Variants in UBN2 observed in about 807,000 individuals in gnomAD.
The protein encoded by UBN2 is ubinuclein 2.
Under a neutral mutation model 120.2 loss-of-function variants are expected in UBN2, and 35 were observed. That is an observed-to-expected ratio of 0.29 (90% confidence interval 0.22 to 0.39). UBN2 has a LOEUF of 0.39. Ranked by LOEUF, UBN2 falls within the 10% of genes least tolerant of loss-of-function variation. The pLI is 1.00. For synonymous variants in UBN2, 661 were observed against 648.7 expected (o/e 1.02, Z -0.29); for missense variants, 1,693 against 1,663.2 (o/e 1.02, Z -0.31).
In UBN2 at chr7:139,283,270, A is replaced by G. The variant is rs747524975; in HGVS notation, c.2365A>G (p.Arg789Gly). 90 of 1,613,640 alleles carry G rather than the reference A, an allele frequency of 5.6e-5. 1 individual carries two copies. The Admixed American group carries it at 1.5e-3, about 26-fold the overall frequency. ...NGNKGPPVGS[R>G]ISMPTTKPRP... ...GAACAAGGGCCCTCCAGTTGGCTCA[A>G]GGATAAGCATGCCAACCACAAAGCC... Residue 789 changes from arginine to glycine, a missense_variant, in exon 15 of 18, where the codon AGG becomes GGG. Physicochemically the swap from Arg to Gly is moderately radical, Grantham distance 125. This residue lies in a region of UBN2 where 837 missense variants were observed against 817.6 expected (regional missense o/e 1.02). Transcript: ENST00000473989.
the UBN2 span, among the ~76,000 whole-genome samples, chr7:139,321,614 C>G: frequency 6.6e-6 from 1 of 152,174 alleles, no homozygotes; most frequent in Non-Finnish European, 1.5e-5. Flanking sequence ...GGAGCCTAAG[C>G]GGCTGGGCAG....
intron 13 of UBN2, among the ~76,000 whole-genome samples, chr7:139,281,435 T>C (rs1005685817): frequency 4.6e-5 from 7 of 152,172 alleles, no homozygotes; most frequent in Non-Finnish European, 8.8e-5. Context: ...ATAAAAGCTC[T>C]TAGCTTTCTA....
chr7:139,278,247 T>C (rs1170671334), intron 12 of UBN2, among the ~76,000 whole-genome samples: 1 of 150,110 alleles, frequency 6.7e-6, no homozygotes, highest in African/African-American at 2.5e-5. Flanking sequence ...AGTGGCACGA[T>C]CTCAACTCGC....
chr7:139,289,592 A>G (rs1182055718), intron 15 of UBN2, among the ~76,000 whole-genome samples: 1 of 151,682 alleles, frequency 6.6e-6, no homozygotes, highest in Non-Finnish European at 1.5e-5. Context: ...TTGTATTTTT[A>G]GTAGAGACGG....
downstream of UBN2, among the ~76,000 whole-genome samples, chr7:139,309,522 A>G (rs1798420114): frequency 6.6e-6 from 1 of 152,250 alleles, no homozygotes; most frequent in South Asian, 2.1e-4. Context: ...TTGTATGTTA[A>G]CATATAAAGG....
At chr7:139,278,617 T>TA (rs112787541) in intron 12 of UBN2, among the ~76,000 whole-genome samples, 204 of 145,706 alleles carry the variant, frequency 1.4e-3, no homozygotes, top group Non-Finnish European at 2.2e-3. Context: ...ATGGCCTTCA[T>TA]AAAAAAAAAA....
rs755032839 is a variant in UBN2 at position 139,261,203 on chromosome 7, T to A, written c.906-49T>A. The A allele has an allele frequency of 2.6e-6, 4 of 1,529,424 alleles. No individual in the cohort carries two copies. The African/African-American group carries it at 5.6e-5, about 21-fold the overall frequency. 94.7% of individuals were successfully genotyped at this position (1,529,424 alleles called of 1,614,324 possible). A position where few individuals can be genotyped will look rare whatever the true frequency, so the allele number is the denominator to read the frequency against. On this transcript the variant is annotated intron_variant, in intron 5 of 17. Coordinates refer to ENST00000473989, the MANE Select transcript of UBN2 (RefSeq NM_173569.4). ...GTGCCTGCTTATTTATGTGACACTT[T>A]AACGTTTAAAATCACACATAGCCTA...
chr7:139,276,400 T>C (rs904077068), intron 12 of UBN2: 8 of 471,072 alleles, frequency 1.7e-5, no homozygotes, highest in Non-Finnish European at 2.7e-5. Context: ...GCTCAGGGAT[T>C]TTCCTTTGTT....
At chr7:139,295,377 C>T (rs1268808616) in intron 17 of UBN2, among the ~76,000 whole-genome samples, 1 of 152,066 alleles carries the variant, frequency 6.6e-6, no homozygotes, top group East Asian at 1.9e-4. Context: ...GTGACTAAAG[C>T]ATGTCCCCCC....
rs2131077511 is a variant in UBN2, at chr7:139,298,331, A to G, written c.*495A>G. ...AGCAGATTTGCCACAAAAAGAAATA[A>G]TAATGATTCTATCTCCGATAGACAG... On this transcript the variant is annotated 3_prime_UTR_variant, in exon 18 of 18. Transcript: ENST00000473989. 1 of 155,748 alleles carries G rather than the reference A, an allele frequency of 6.4e-6. No homozygotes were observed. Among genetic ancestry groups the G allele is most frequent in the Non-Finnish European group, 1.4e-5 (1 of 70,264 alleles). 9.6% of individuals were successfully genotyped at this position (155,748 alleles called of 1,614,324 possible).
chr7:139,269,612 A>T (rs888382399), intron 8 of UBN2, 89 bp downstream of exon 8: 9 of 1,366,234 alleles, frequency 6.6e-6, no homozygotes, highest in Admixed American at 2.1e-5. Context: ...ACATTAATTG[A>T]TTTATAGTCA....
rs747769933 is a variant in UBN2, at chr7:139,272,311, T to C, written c.1597-11T>C. 5 of 1,597,462 alleles carry C rather than the reference T, an allele frequency of 3.1e-6. No homozygotes were observed. Among genetic ancestry groups the C allele is most frequent in the Non-Finnish European group, 4.3e-6 (5 of 1,172,832 alleles). The stretch of plus-strand genomic sequence containing the variant: ...GTCTGATAAAAACTTCTAGTATGTT[T>C]TTCTTTTTAGGATGATCGTTTAAGA... On this transcript the variant is annotated splice_polypyrimidine_tract_variant and intron_variant, in intron 8 of 17. Transcript: ENST00000473989.
chr7:139,282,029 C>T lies in UBN2; in HGVS notation c.2092C>T (p.Leu698Phe). Residue 698 changes from leucine (L) to phenylalanine (F), a missense_variant, in exon 14 of 18, where the codon CTC (leucine) becomes TTC (phenylalanine). Coordinates refer to ENST00000473989, the MANE Select transcript of UBN2 (RefSeq NM_173569.4). ...GGAGGTGATGGTAAAGACCCTTCCT[C>T]TCCATTCTTTCCCCACTATGCTTAA... is the stretch of plus-strand genomic sequence containing the variant. The part of the protein sequence containing the change: ...VKEVMVKTLP[L>F]HSFPTMLKEC... The T allele has an allele frequency of 1.2e-6, 2 of 1,613,458 alleles. No individual in the cohort carries two copies. Among genetic ancestry groups the T allele is most frequent in the East Asian group, 2.2e-5 (1 of 44,764 alleles).
intron 2 of UBN2, among the ~76,000 whole-genome samples, chr7:139,241,565 G>T (rs73170929): frequency 0.02 from 3,106 of 152,306 alleles, 72 homozygotes; most frequent in South Asian, 0.085. Flanking sequence ...GGGTAGATTT[G>T]ATAGTAGAAA....
chr7:139,283,691 T>C lies in UBN2; in HGVS notation c.2786T>C (p.Val929Ala), dbSNP rs1237599299. 1 of 1,614,088 alleles carries C rather than the reference T, an allele frequency of 6.2e-7. No individual in the cohort carries two copies. Among genetic ancestry groups the C allele is most frequent in the Non-Finnish European group, 8.5e-7 (1 of 1,180,018 alleles). Residue 929 changes from valine (V) to alanine (A), a missense_variant, in exon 15 of 18, where the codon GTG becomes GCG. Val to Ala is a moderately conservative substitution (Grantham distance 64, BLOSUM62 0). Transcript: ENST00000473989. ...TCTTCGTTAACACAAGTAACAAAGGTGCACCAGCATTCAGCTGTCCAGCAG... is the reference window on the plus strand; with the variant it reads ...TCTTCGTTAACACAAGTAACAAAGGCGCACCAGCATTCAGCTGTCCAGCAG... Reference protein sequence around the residue: ...DASSLTQVTKVHQHSAVQQNY... With the variant: ...DASSLTQVTKAHQHSAVQQNY...
chr7:139,264,528 G>A (rs992149367), intron 6 of UBN2, among the ~76,000 whole-genome samples: 3 of 152,052 alleles, frequency 2.0e-5, no homozygotes, highest in East Asian at 1.9e-4. Flanking sequence ...CTTCAATGTG[G>A]GGGTTGATCA....
the UBN2 span, among the ~76,000 whole-genome samples, chr7:139,323,797 C>T: frequency 6.6e-6 from 1 of 151,940 alleles, no homozygotes; most frequent in Admixed American, 6.6e-5. Context: ...ACCATGTTGG[C>T]CAGGCTGGTC....
chr7:139,271,176 A>G (rs971611998), intron 8 of UBN2, among the ~76,000 whole-genome samples: 1 of 152,210 alleles, frequency 6.6e-6, no homozygotes, highest in African/African-American at 2.4e-5. Flanking sequence ...ACATTTTTAA[A>G]CATGGGATTT....
the UBN2 span, among the ~76,000 whole-genome samples, chr7:139,327,135 G>T: frequency 6.6e-6 from 1 of 152,204 alleles, no homozygotes; most frequent in African/African-American, 2.4e-5. Context: ...CCGGGTTCAA[G>T]CGATTATCCT....
Sources: allele counts gnomAD v4.1 joint callset (sites outside exome capture counted in the v4.1 genomes callset), GRCh38; gene constraint gnomAD v4.1.1; regional missense constraint gnomAD v4.1.1; transcripts MANE v1.5; gene names NCBI Gene and HGNC (gene_info 2026-07-23, HGNC 2026-07-21).